The following DMD variants were observed in gnomAD, a reference collection of about 807,000 sequenced individuals.
DMD encodes mutant dystrophin.
Under a neutral mutation model 330.1 loss-of-function variants are expected in DMD, and 63 were observed. The ratio of observed to expected loss-of-function variants is 0.19; its 90% CI spans 0.16 to 0.24. The LOEUF (loss-of-function observed/expected upper bound fraction) is 0.24. Among genes scored for constraint, DMD ranks in the 10% least tolerant of loss-of-function variants. The pLI, the probability that DMD is intolerant of heterozygous loss-of-function variation, is 1.00. For synonymous variants in DMD, 1,223 were observed against 959.8 expected (o/e 1.27, Z -5.07); for missense variants, 3,344 against 2,684.1 (o/e 1.25, Z -5.43).
At chrX:31,803,672 CTG>C (rs2092171002) in intron 50 of DMD, among the ~76,000 whole-genome samples, 1 of 74,582 alleles carries the variant, frequency 1.3e-5, no homozygotes, top group South Asian at 9.7e-4. Context: ...CTCTCTTTCT[CTG>C]TTTCTCTCTC....
rs1454925241 is a variant in DMD at position 32,630,926 on chromosome X, T to C, written c.1331+13206A>G. Among the ~76,000 whole-genome samples, 5 of 111,767 alleles carry C rather than the reference T, an allele frequency of 4.5e-5. No homozygotes were observed. The South Asian group carries it at 1.5e-3, about 34-fold the overall frequency. On this transcript the variant is annotated intron_variant, in intron 11 of 78. Transcript: ENST00000357033. ...GGGCATTGAAGACTTTGGTATTTAT[T>C]GTAGTCTTTGCAGTATCGGCTTGTT...
chrX:31,883,420 A>T (rs865868880), intron 47 of DMD, among the ~76,000 whole-genome samples: 1 of 110,810 alleles, frequency 9.0e-6, no homozygotes, highest in Non-Finnish European at 1.9e-5. Context: ...AGTTTTTTTT[A>T]AAAATCCCTG....
chrX:32,851,705 G>A (rs1213392230), intron 2 of DMD, among the ~76,000 whole-genome samples: 6 of 112,453 alleles, frequency 5.3e-5, no homozygotes, highest in African/African-American at 1.9e-4. Context: ...CCCATCCCCT[G>A]GCAGAGGCCA....
At chrX:31,775,822 C>T (rs1021066472) in intron 50 of DMD, among the ~76,000 whole-genome samples, 1 of 111,132 alleles carries the variant, frequency 9.0e-6, no homozygotes, top group African/African-American at 3.3e-5. Flanking sequence ...TCTTGTCTCT[C>T]AAGCTTCTCA....
intron 60 of DMD, among the ~76,000 whole-genome samples, chrX:31,373,197 A>G (rs1451991757): frequency 1.8e-4 from 19 of 106,139 alleles, no homozygotes; most frequent in Non-Finnish European, 2.7e-4. Context: ...AGAACATTCC[A>G]TGCTCATGGG....
At position 32,640,922 on chromosome X, in the gene DMD, T is replaced by A. The variant is rs749518838; in HGVS notation, c.1331+3210A>T. On this transcript the variant is annotated intron_variant, in intron 11 of 78. Transcript: ENST00000357033. ...CAATATGTAATCAGTCTCCTACCTA[T>A]ATTTCAACCCCATCTCAGACCTCAG... Among the ~76,000 whole-genome samples the A allele has an allele frequency of 3.6e-5, 4 of 111,363 alleles. No homozygotes were observed. The East Asian group carries it at 1.1e-3, about 32-fold the overall frequency.
chrX:32,726,710 ATGAC>A (rs1284766442), intron 7 of DMD, among the ~76,000 whole-genome samples: 1 of 110,996 alleles, frequency 9.0e-6, no homozygotes. Context: ...TTTATTATTT[ATGAC>A]TGACATGATA....
chrX:32,552,679 A>G (rs1050045471), intron 16 of DMD, among the ~76,000 whole-genome samples: 2 of 112,376 alleles, frequency 1.8e-5, no homozygotes, highest in Admixed American at 1.9e-4. Context: ...TCCATCTGAC[A>G]AGGGTCTAAT....
At chrX:31,849,154 A>C (rs1011428399) in intron 48 of DMD, among the ~76,000 whole-genome samples, 7 of 110,307 alleles carry the variant, frequency 6.3e-5, no homozygotes, top group Non-Finnish European at 1.3e-4. Flanking sequence ...ATATATTAAG[A>C]ATATATATCT....
intron 43 of DMD, among the ~76,000 whole-genome samples, chrX:32,255,709 A>G (rs1487545481): frequency 8.9e-6 from 1 of 112,445 alleles, no homozygotes; most frequent in African/African-American, 3.2e-5. Flanking sequence ...GGAAGTTGCA[A>G]TCTCAAAGGA....
intron 22 of DMD, among the ~76,000 whole-genome samples, chrX:32,469,093 C>T (rs2040353475): frequency 9.1e-6 from 1 of 110,197 alleles, no homozygotes; most frequent in Non-Finnish European, 1.9e-5. Flanking sequence ...AAAGTAAACT[C>T]TACATAAAAC....
At chrX:31,588,352 T>C (rs1331121255) in intron 55 of DMD, among the ~76,000 whole-genome samples, 4 of 111,107 alleles carry the variant, frequency 3.6e-5, no homozygotes, top group Middle Eastern at 4.2e-3. Flanking sequence ...AACTACCTTC[T>C]TCATCTAACT....
intron 44 of DMD, chrX:32,206,762 A>G: frequency 2.2e-6 from 1 of 447,033 alleles, no homozygotes; most frequent in South Asian, 2.5e-5. Flanking sequence ...ACAATTTGTT[A>G]AAAATTTTCC....
chrX:31,984,572 T>TA (rs767033445), intron 44 of DMD, among the ~76,000 whole-genome samples: 2 of 112,613 alleles, frequency 1.8e-5, no homozygotes, highest in African/African-American at 6.4e-5. Context: ...TGTTCAAAAG[T>TA]AATTCATTTT....
chrX:33,009,286 G>A (rs368950273), intron 2 of DMD, among the ~76,000 whole-genome samples: 649 of 28,367 alleles, frequency 0.023, 183 homozygotes, highest in African/African-American at 0.027. Flanking sequence ...ATATGTGTAT[G>A]TGTGTATATG....
At chrX:31,995,481 T>C (rs1368722708) in intron 44 of DMD, among the ~76,000 whole-genome samples, 1 of 112,059 alleles carries the variant, frequency 8.9e-6, no homozygotes, top group Non-Finnish European at 1.9e-5. Context: ...AATTGAAAAG[T>C]TTTACATTTT....
intron 43 of DMD, among the ~76,000 whole-genome samples, chrX:32,228,507 T>C (rs1047519012): frequency 1.8e-5 from 2 of 111,882 alleles, no homozygotes; most frequent in African/African-American, 3.2e-5. Context: ...AGTTTGCTAT[T>C]AGTGATCTGT....
At chrX:33,159,726 A>C (rs1287146106) in intron 1 of DMD, 1 of 111,689 alleles carries the variant, frequency 9.0e-6, no homozygotes. Flanking sequence ...TGCTCTTGGG[A>C]ATAGTGCTGC....
intron 7 of DMD, among the ~76,000 whole-genome samples, chrX:32,773,748 CT>C (rs2073875032): frequency 9.0e-6 from 1 of 111,111 alleles, no homozygotes; most frequent in African/African-American, 3.3e-5. Flanking sequence ...TCTCGCTCTC[CT>C]TTTTTAAAGC....
Sources: allele counts gnomAD v4.1 joint callset (sites outside exome capture counted in the v4.1 genomes callset), GRCh38; gene constraint gnomAD v4.1.1; transcripts MANE v1.5; gene names NCBI Gene and HGNC (gene_info 2026-07-23, HGNC 2026-07-21).